The following SNTG2 variants were observed in gnomAD, a reference collection of about 807,000 sequenced individuals.
The protein encoded by SNTG2 is gamma-2-syntrophin.
SNTG2 carries 74 observed loss-of-function variants against 70.9 expected under a neutral mutation model. The ratio of observed to expected loss-of-function variants is 1.04; its 90% CI spans 0.86 to 1.27. The LOEUF (loss-of-function observed/expected upper bound fraction) is 1.27, where lower values mean the gene tolerates loss of function less well. Ranked by LOEUF, SNTG2 falls within the 50% of genes most tolerant of loss-of-function variation. The pLI, the probability that SNTG2 is intolerant of heterozygous loss-of-function variation, is 0.00. For synonymous variants in SNTG2, 278 were observed against 273.8 expected, an observed-to-expected ratio of 1.02 and a Z score of -0.15; for missense variants, 717 against 690.7, an observed-to-expected ratio of 1.04 and a Z score of -0.43.
chr2:1,253,521 A>T (rs1282116064), intron 12 of SNTG2, among the ~76,000 whole-genome samples: 1 of 152,226 alleles, frequency 6.6e-6, no homozygotes, highest in East Asian at 1.9e-4. Context: ...AGAAAATTTT[A>T]GTGAATTTTA....
chr2:1,277,732 G>A (rs888283320), intron 14 of SNTG2, among the ~76,000 whole-genome samples: 3 of 152,204 alleles, frequency 2.0e-5, no homozygotes, highest in Non-Finnish European at 4.4e-5. Flanking sequence ...GTGATGCCAG[G>A]GAAGAGGCAG....
intron 6 of SNTG2, among the ~76,000 whole-genome samples, chr2:1,159,582 G>T (rs945835372): frequency 6.6e-5 from 10 of 152,108 alleles, no homozygotes; most frequent in Non-Finnish European, 1.5e-4. Context: ...TACAAGTAGG[G>T]CTTAAGGGAA....
chr2:1,200,583 A>G (rs1489880380), intron 8 of SNTG2, among the ~76,000 whole-genome samples: 1 of 152,046 alleles, frequency 6.6e-6, no homozygotes, highest in Non-Finnish European at 1.5e-5. Context: ...GAGTGAAGCA[A>G]CAATATATGT....
intron 6 of SNTG2, among the ~76,000 whole-genome samples, chr2:1,164,972 C>G (rs1189373847): frequency 6.6e-6 from 1 of 152,196 alleles, no homozygotes; most frequent in African/African-American, 2.4e-5. Context: ...ATGGCAAATA[C>G]ATTGTGCACA....
chr2:1,088,354 G>A (rs924119831), intron 2 of SNTG2, among the ~76,000 whole-genome samples: 1 of 152,148 alleles, frequency 6.6e-6, no homozygotes, highest in Non-Finnish European at 1.5e-5. Context: ...CATGCACTGA[G>A]TCAGCTCTGA....
chr2:993,476 A>G (rs1661571996), intron 1 of SNTG2, among the ~76,000 whole-genome samples: 1 of 152,102 alleles, frequency 6.6e-6, no homozygotes, highest in African/African-American at 2.4e-5. Context: ...TATTTATGTG[A>G]TTTTGAATGG....
chr2:1,057,183 C>G (rs1410269442), intron 1 of SNTG2, among the ~76,000 whole-genome samples: 1 of 152,088 alleles, frequency 6.6e-6, no homozygotes, highest in Non-Finnish European at 1.5e-5. Context: ...ATTCTAAGGA[C>G]TAACATGGCA....
Position 1,251,807 on chromosome 2 carries a change from C to T in SNTG2, c.1005+4364C>T, listed in dbSNP as rs557982879. Among the ~76,000 whole-genome samples the T allele has an allele frequency of 6.6e-3, 996 of 151,018 alleles. 5 individuals carry two copies. The highest frequency in any genetic ancestry group is 0.012 in the Non-Finnish European group (782 of 67,714). On this transcript the variant is annotated intron_variant, in intron 12 of 16. Transcript: ENST00000308624. ...ACCACTCATGCACACACCACACACACGTGCACACCACTCATGCACACACCA... is the reference window on the plus strand; with the variant it reads ...ACCACTCATGCACACACCACACACATGTGCACACCACTCATGCACACACCA...
chr2:1,050,524 A>G (rs889146376), intron 1 of SNTG2, among the ~76,000 whole-genome samples: 8 of 151,690 alleles, frequency 5.3e-5, no homozygotes, highest in African/African-American at 1.7e-4. Context: ...CCATTGGGCT[A>G]TTTTCCTTGA....
At chr2:1,335,324 GCT>G (rs1417569078) in intron 16 of SNTG2, among the ~76,000 whole-genome samples, 1 of 152,080 alleles carries the variant, frequency 6.6e-6, no homozygotes, top group African/African-American at 2.4e-5. Flanking sequence ...ATACTTCCTG[GCT>G]CTCTCAGTGT....
intron 6 of SNTG2, among the ~76,000 whole-genome samples, chr2:1,162,711 G>A (rs140197406): frequency 1.1e-4 from 16 of 152,228 alleles, no homozygotes; most frequent in East Asian, 3.9e-4. Flanking sequence ...GGAGAGCCTC[G>A]GTTCTACTTC....
At chr2:1,247,225 G>A in intron 11 of SNTG2, 102 bp from the exon 12 acceptor site, 2 of 684,930 alleles carry the variant, frequency 2.9e-6, no homozygotes, top group Non-Finnish European at 5.3e-6. Flanking sequence ...GATTCTGGGT[G>A]TGTTGACCTG....
intron 8 of SNTG2, among the ~76,000 whole-genome samples, chr2:1,174,379 T>C (rs185536779): frequency 6.6e-6 from 1 of 152,320 alleles, no homozygotes; most frequent in East Asian, 1.9e-4. Flanking sequence ...TTTGCATGTT[T>C]ACTTACTGTT....
At chr2:981,947 CAT>C (rs1403807802) in intron 1 of SNTG2, among the ~76,000 whole-genome samples, 2 of 152,214 alleles carry the variant, frequency 1.3e-5, no homozygotes, top group Non-Finnish European at 2.9e-5. Context: ...CATGAACACA[CAT>C]GTCCACACAG....
chr2:1,309,010 C>A (rs1357727287), intron 15 of SNTG2, among the ~76,000 whole-genome samples: 6 of 152,158 alleles, frequency 3.9e-5, no homozygotes, highest in African/African-American at 1.4e-4. Context: ...GGGAGTGAGA[C>A]CCATTTCCAC....
At chr2:1,359,219 G>T (rs4547568) in intron 16 of SNTG2, among the ~76,000 whole-genome samples, 3 of 152,084 alleles carry the variant, frequency 2.0e-5, no homozygotes, top group African/African-American at 7.2e-5. Flanking sequence ...ATGAAACATA[G>T]TTTGTGTTCA....
intron 4 of SNTG2, chr2:1,102,839 C>G (rs542536106): frequency 2.0e-5 from 3 of 152,384 alleles, no homozygotes; most frequent in Non-Finnish European, 4.4e-5. Flanking sequence ...CAGCCCAAGG[C>G]TGGACACTTG....
rs540373578 is a variant in SNTG2 at position 1,049,657 on chromosome 2, C to A, written c.73-33861C>A. Among the ~76,000 whole-genome samples the A allele has an allele frequency of 3.3e-5, 5 of 152,248 alleles. No homozygotes were observed. In the South Asian group the frequency reaches 6.2e-4, roughly 19 times the overall value. ...GTTTTCAGCTCCTTTGGGTAAATAG[C>A]AAAAAGCATGCCTGCTGGATGATAT... On this transcript the variant is annotated intron_variant, in intron 1 of 16. Transcript: ENST00000308624.
intron 1 of SNTG2, among the ~76,000 whole-genome samples, chr2:1,072,343 C>CTTTTTTT (rs1412825740): frequency 8.5e-5 from 2 of 23,494 alleles, no homozygotes; most frequent in African/African-American, 2.2e-4. Flanking sequence ...TTTTCTTTTT[C>CTTTTTTT]TTTTTCTTTT....
Sources: gnomAD v4.1 joint callset for allele counts (sites outside exome capture counted in the v4.1 genomes callset) on GRCh38, gnomAD v4.1.1 for gene constraint, MANE v1.5 for transcripts, NCBI Gene and HGNC (gene_info 2026-07-23, HGNC 2026-07-21) for gene names.